Variants in RIMBP2 observed in about 807,000 individuals in gnomAD.
The protein encoded by RIMBP2 is RIMS binding protein 2, also known as RIMS-binding protein 2.
A neutral mutation model predicts 118.6 loss-of-function variants in RIMBP2; 48 were observed. The observed-to-expected ratio is 0.40, with a 90% CI of 0.32 to 0.51. RIMBP2 has a LOEUF of 0.51. RIMBP2 is among the 20% of genes least tolerant of loss of function. RIMBP2 has a pLI of 0.41. For synonymous variants in RIMBP2, 762 were observed against 742.9 expected (o/e 1.03, Z -0.42); for missense variants, 1,551 against 1,768.3 (o/e 0.88, Z 2.20).
intron 1 of RIMBP2, among the ~76,000 whole-genome samples, chr12:130,699,606 G>A (rs558665451): frequency 3.6e-4 from 54 of 150,760 alleles, no homozygotes; most frequent in East Asian, 2.0e-3. Flanking sequence ...GAGGGATAGC[G>A]TTAGGAGATA....
chr12:130,421,114 A>G (rs1795626206), intron 17 of RIMBP2: 1 of 152,192 alleles, frequency 6.6e-6, no homozygotes, highest in African/African-American at 2.4e-5. Context: ...CATCTCGGAC[A>G]GGTCATTTAA....
Position 130,710,481 on chromosome 12 carries a change from C to G in RIMBP2, c.-352+5741G>C, listed in dbSNP as rs117440716. On this transcript the variant is annotated intron_variant, in intron 1 of 22. Transcript: ENST00000690449. The surrounding 1 kb of genome is among the most constrained non-coding windows in gnomAD (Gnocchi z 4.3). ...ACATACACACACACACGTACACACACACATGTGTGCTCCCCATGAGGGCAG... is the reference window on the plus strand; with the variant it reads ...ACATACACACACACACGTACACACAGACATGTGTGCTCCCCATGAGGGCAG... Among the ~76,000 whole-genome samples, 3,289 of 152,290 alleles carry G rather than the reference C, an allele frequency of 0.022. 58 individuals carry two copies. The highest frequency in any genetic ancestry group is 0.091 in the East Asian group (470 of 5,176).
At chr12:130,627,774 G>A (rs983730206) in intron 2 of RIMBP2, among the ~76,000 whole-genome samples, 2 of 152,006 alleles carry the variant, frequency 1.3e-5, no homozygotes, top group Admixed American at 6.6e-5. Context: ...CAATATATCC[G>A]GGACCTCTCC....
At position 130,572,216 on chromosome 12, in the gene RIMBP2, C is replaced by T. The variant is rs962140414; in HGVS notation, c.-216-54299G>A. On this transcript the variant is annotated intron_variant, in intron 2 of 22. Transcript: ENST00000690449. ...ACAAAGCGGCCGGAAAACCCACAGA[C>T]GTGTTAGGAGGAGGGGCCTCCCACT... 7.9e-5 allele frequency among the ~76,000 whole-genome samples: 12 copies of T among 152,232 alleles called. No individual in the cohort carries two copies. The East Asian group carries it at 9.6e-4, about 12-fold the overall frequency.
At chr12:130,715,154 T>C (rs1950238861) in intron 1 of RIMBP2, among the ~76,000 whole-genome samples, 1 of 152,238 alleles carries the variant, frequency 6.6e-6, no homozygotes, top group African/African-American at 2.4e-5. Flanking sequence ...CTGGACGAAG[T>C]GGGGTTTTCA....
chr12:130,497,149 T>C (rs2049259754), intron 4 of RIMBP2, among the ~76,000 whole-genome samples: 1 of 152,182 alleles, frequency 6.6e-6, no homozygotes, highest in South Asian at 2.1e-4. Context: ...AGCCTGTCAC[T>C]GAACGAGGGC....
intron 1 of RIMBP2, among the ~76,000 whole-genome samples, chr12:130,693,059 G>T (rs998535995): frequency 6.6e-6 from 1 of 151,998 alleles, no homozygotes; most frequent in African/African-American, 2.4e-5. Flanking sequence ...AGTGAAGATT[G>T]CTCCATGACC....
At chr12:130,673,171 C>A (rs1047720290) in intron 1 of RIMBP2, among the ~76,000 whole-genome samples, 1 of 152,206 alleles carries the variant, frequency 6.6e-6, no homozygotes, top group Non-Finnish European at 1.5e-5. Flanking sequence ...CATCGCTCCC[C>A]GTTTAGGTTC....
At chr12:130,535,435 G>A (rs1475718992) in intron 2 of RIMBP2, among the ~76,000 whole-genome samples, 2 of 152,024 alleles carry the variant, frequency 1.3e-5, no homozygotes, top group Admixed American at 6.6e-5. Context: ...GATCGCTTGA[G>A]CCCAGGAGGT....
At position 130,625,856 on chromosome 12, in the gene RIMBP2, T is replaced by C. The variant is rs1430797727; in HGVS notation, c.-217+2466A>G. Among the ~76,000 whole-genome samples, 5 of 152,302 alleles carry C rather than the reference T, an allele frequency of 3.3e-5. No individual in the cohort carries two copies. The East Asian group carries it at 5.8e-4, about 18-fold the overall frequency. ...CCCTAGGAGGACTGATTGGCTTCTG[T>C]ATCCCATAGGCCAAGTATAATAAAT... is the stretch of plus-strand genomic sequence containing the variant. On this transcript the variant is annotated intron_variant, in intron 2 of 22. Transcript: ENST00000690449.
chr12:130,438,865 C>G (rs1566036131), intron 11 of RIMBP2, among the ~76,000 whole-genome samples: 1 of 152,138 alleles, frequency 6.6e-6, no homozygotes, highest in Non-Finnish European at 1.5e-5. Context: ...CAGGCCTGGC[C>G]AGGCAGCCAC....
At chr12:130,655,683 GCACA>G (rs2063398635) in intron 1 of RIMBP2, among the ~76,000 whole-genome samples, 1 of 152,138 alleles carries the variant, frequency 6.6e-6, no homozygotes, top group Admixed American at 6.5e-5. Context: ...TCACACACAG[GCACA>G]CACATGTATA....
chr12:130,602,125 C>T (rs1252917490), intron 2 of RIMBP2, among the ~76,000 whole-genome samples: 5 of 152,162 alleles, frequency 3.3e-5, no homozygotes, highest in Non-Finnish European at 1.5e-5. Flanking sequence ...ATGGCAAAAC[C>T]TCGTCTCTAC....
intron 1 of RIMBP2, among the ~76,000 whole-genome samples, chr12:130,630,719 A>T (rs536923056): frequency 6.6e-6 from 1 of 152,292 alleles, no homozygotes; most frequent in South Asian, 2.1e-4. Flanking sequence ...AAAGGAAAAA[A>T]ATGGGTTAGG....
In RIMBP2 at chr12:130,436,965, G is replaced by A. The variant is rs1278475646; in HGVS notation, c.1983C>T (p.Gly661=). ...TGGGTGAGGGCGACCGCCTTCCGGGGCCCACGGGCGGCTCCAGCATGTGCC... is the reference window on the plus strand; with the variant it reads ...TGGGTGAGGGCGACCGCCTTCCGGGACCCACGGGCGGCTCCAGCATGTGCC... ...VHGHMLEPPV[G]PGRRSPSPSR... Residue 661 remains glycine (G), a synonymous_variant, in exon 13 of 23, where the codon GGC becomes GGT. Transcript: ENST00000690449. 20 of 1,607,726 alleles carry A rather than the reference G, an allele frequency of 1.2e-5. No homozygotes were observed. The highest frequency in any genetic ancestry group is 4.4e-5 in the South Asian group (4 of 90,076).
At chr12:130,416,702 CACAA>C (rs2076119962) in intron 17 of RIMBP2, among the ~76,000 whole-genome samples, 1 of 152,170 alleles carries the variant, frequency 6.6e-6, no homozygotes, top group Admixed American at 6.5e-5. Context: ...ACAATTGCCA[CACAA>C]ACAAAAATTA....
At chr12:130,614,589 T>C (rs909077855) in intron 2 of RIMBP2, among the ~76,000 whole-genome samples, 3 of 152,080 alleles carry the variant, frequency 2.0e-5, no homozygotes, top group Admixed American at 6.6e-5. Context: ...TTCCCAGAAA[T>C]TGATTCCACA....
intron 4 of RIMBP2, among the ~76,000 whole-genome samples, chr12:130,493,345 C>A (rs916504670): frequency 6.6e-6 from 1 of 152,002 alleles, no homozygotes; most frequent in Non-Finnish European, 1.5e-5. Context: ...GATGGAATCT[C>A]GCTCTGTTGC....
At chr12:130,640,810 A>G (rs2062583416) in intron 1 of RIMBP2, among the ~76,000 whole-genome samples, 1 of 152,226 alleles carries the variant, frequency 6.6e-6, no homozygotes, top group South Asian at 2.1e-4. Flanking sequence ...GAGGATCAAC[A>G]CAGACCAAGG....
Sources: allele counts gnomAD v4.1 joint callset (sites outside exome capture counted in the v4.1 genomes callset), GRCh38; gene constraint gnomAD v4.1.1; non-coding constraint Gnocchi (gnomAD v3.1); transcripts MANE v1.5; gene names NCBI Gene and HGNC (gene_info 2026-07-23, HGNC 2026-07-21).